Variants in KCNG2 observed in about 807,000 individuals in gnomAD.
The protein encoded by KCNG2 is potassium voltage-gated channel modifier subfamily G member 2, also known as voltage-gated potassium channel regulatory subunit KCNG2.
In KCNG2, 7 loss-of-function variants were observed where a neutral mutation model predicts 12.3. The observed-to-expected ratio is 0.57, with a 90% confidence interval of 0.32 to 1.07. The LOEUF (loss-of-function observed/expected upper bound fraction) is 1.07, where lower values mean the gene tolerates loss of function less well. Ranked by LOEUF, KCNG2 falls within the 50% of genes least tolerant of loss-of-function variation. The probability of loss-of-function intolerance (pLI) is 0.04; values close to 1 mark genes in which losing one functional copy is unlikely to be tolerated. For missense variants in KCNG2, 703 were observed against 726.0 expected (o/e 0.97, Z 0.36); for synonymous variants, 414 against 351.4 (o/e 1.18, Z -1.99).
intron 1 of KCNG2, among the ~76,000 whole-genome samples, chr18:79,827,061 G>T (rs1257805787): frequency 1.3e-5 from 2 of 152,264 alleles, no homozygotes; most frequent in Non-Finnish European, 2.9e-5. Flanking sequence ...CGTCCCCGGC[G>T]ATGCAGGGGC....
At chr18:79,855,015 C>A (rs1029847685) in intron 1 of KCNG2, among the ~76,000 whole-genome samples, 3 of 152,158 alleles carry the variant, frequency 2.0e-5, no homozygotes, top group Non-Finnish European at 4.4e-5. Flanking sequence ...TATTTAGATT[C>A]TCTGGGGGTT....
chr18:79,894,308 T>C (rs1345302539), intron 3 of KCNG2, among the ~76,000 whole-genome samples: 2 of 136,520 alleles, frequency 1.5e-5, no homozygotes, highest in African/African-American at 2.7e-5. Flanking sequence ...AATGTTACGA[T>C]TGATATAATT....
At chr18:79,851,568 G>A (rs1371198219) in intron 1 of KCNG2, among the ~76,000 whole-genome samples, 1 of 152,182 alleles carries the variant, frequency 6.6e-6, no homozygotes, top group Non-Finnish European at 1.5e-5. Context: ...GAAGTGACCT[G>A]ATAGCCTTTT....
intron 1 of KCNG2, among the ~76,000 whole-genome samples, chr18:79,807,742 T>G (rs537064097): frequency 5.3e-5 from 8 of 151,378 alleles, no homozygotes; most frequent in South Asian, 2.1e-4. Context: ...GGGCACTCCA[T>G]GTTATATGCC....
intron 3 of KCNG2, among the ~76,000 whole-genome samples, chr18:79,896,365 C>G (rs965510325): frequency 5.3e-5 from 8 of 151,956 alleles, no homozygotes; most frequent in African/African-American, 1.9e-4. Flanking sequence ...CAGGTTTGTG[C>G]GTAATTCCAG....
At chr18:79,836,767 A>G (rs778566842) in intron 1 of KCNG2, among the ~76,000 whole-genome samples, 22 of 152,156 alleles carry the variant, frequency 1.4e-4, no homozygotes, top group Admixed American at 2.0e-4. Flanking sequence ...CTCACTCACT[A>G]TCATGAGAAC....
At chr18:79,855,966 T>C (rs1177997234) in intron 1 of KCNG2, among the ~76,000 whole-genome samples, 1 of 152,228 alleles carries the variant, frequency 6.6e-6, no homozygotes, top group East Asian at 1.9e-4. Context: ...TATTGAGCTG[T>C]GCGTTGTCTT....
intron 3 of KCNG2, among the ~76,000 whole-genome samples, chr18:79,881,872 G>A (rs1270662526): frequency 6.6e-6 from 1 of 152,212 alleles, no homozygotes; most frequent in African/African-American, 2.4e-5. Context: ...GGACAGGCGT[G>A]GGGTCGTGGA....
Position 79,899,152 on chromosome 18 carries a change from TCCTGCG to T in KCNG2, c.739_744del (p.Leu247_Arg248del). On this transcript the variant is annotated inframe_deletion, in exon 4 of 4. Coordinates refer to ENST00000316249, the MANE Select transcript of KCNG2 (RefSeq NM_012283.2). ...CTGCAGGCCGAGAGCAAGTGCGCCT[TCCTGCG>T]CGCGCCACTCAACATCATTGACATC... is the stretch of plus-strand genomic sequence containing the variant. 1 of 1,607,274 alleles carries T rather than the reference TCCTGCG, an allele frequency of 6.2e-7. No homozygotes were observed. The highest frequency in any genetic ancestry group is 8.5e-7 in the Non-Finnish European group (1 of 1,179,632).
intron 1 of KCNG2, among the ~76,000 whole-genome samples, chr18:79,826,036 T>C (rs1417877472): frequency 2.0e-5 from 3 of 152,184 alleles, no homozygotes; most frequent in Non-Finnish European, 2.9e-5. Flanking sequence ...AGGCTGCAGC[T>C]TAAGAGGAAG....
rs934636093 is a variant in KCNG2, at chr18:79,899,476, C to T, written c.1061C>T (p.Ser354Phe). ...ERELGARRDF[S>F]SVPASYWWAV... The stretch of plus-strand genomic sequence containing the variant: ...GAGCTGGGCGCGCGCCGCGACTTCT[C>T]CAGCGTGCCCGCCAGCTATTGGTGG... The change falls in exon 4 of 4, where the codon TCC (serine) becomes TTC (phenylalanine). Residue 354 changes from serine (S) to phenylalanine (F), a missense_variant. By Grantham distance (155) the Ser-to-Phe change is radical. Transcript: ENST00000316249. 1.2e-6 allele frequency: 2 copies of T among 1,607,254 alleles called. No individual in the cohort carries two copies. The highest frequency in any genetic ancestry group is 1.7e-5 in the Admixed American group (1 of 59,572).
intron 2 of KCNG2, among the ~76,000 whole-genome samples, chr18:79,862,946 T>C (rs1979276283): frequency 6.6e-6 from 1 of 152,224 alleles, no homozygotes; most frequent in African/African-American, 2.4e-5. Flanking sequence ...CCCGCAGAGC[T>C]GGGGAGCGAC....
chr18:79,880,990 A>G (rs1568268962), intron 3 of KCNG2, among the ~76,000 whole-genome samples: 1 of 152,364 alleles, frequency 6.6e-6, no homozygotes, highest in South Asian at 2.1e-4. Context: ...AAAAAACCCT[A>G]CAGCTAACAA....
At chr18:79,802,305 C>T (rs183796844) in intron 1 of KCNG2, among the ~76,000 whole-genome samples, 4 of 152,154 alleles carry the variant, frequency 2.6e-5, no homozygotes, top group East Asian at 1.9e-4. Context: ...CATGGAGGGG[C>T]GTCTGGGGAC....
At chr18:79,815,664 C>T (rs996688025) in intron 1 of KCNG2, among the ~76,000 whole-genome samples, 1 of 152,214 alleles carries the variant, frequency 6.6e-6, no homozygotes, top group Non-Finnish European at 1.5e-5. Context: ...CCACCTTGCT[C>T]CCTTGCTAAA....
At chr18:79,892,046 C>T (rs1980760280) in intron 3 of KCNG2, among the ~76,000 whole-genome samples, 1 of 149,070 alleles carries the variant, frequency 6.7e-6, no homozygotes, top group Non-Finnish European at 1.5e-5. Flanking sequence ...ACCTGGGAGG[C>T]AGAGGTTGCA....
chr18:79,858,703 A>G (rs1247835175), intron 2 of KCNG2, among the ~76,000 whole-genome samples: 6 of 150,552 alleles, frequency 4.0e-5, no homozygotes, highest in Non-Finnish European at 8.9e-5. Context: ...CAGGGGTCCA[A>G]TTTTTCCACA....
intron 1 of KCNG2, among the ~76,000 whole-genome samples, chr18:79,828,070 C>T (rs1045080362): frequency 7.9e-5 from 12 of 151,910 alleles, no homozygotes; most frequent in African/African-American, 2.4e-4. Context: ...ATTACAGGCA[C>T]GCACCAACAC....
intron 1 of KCNG2, among the ~76,000 whole-genome samples, chr18:79,818,090 A>C (rs1247294629): frequency 2.0e-5 from 3 of 152,220 alleles, no homozygotes; most frequent in African/African-American, 7.2e-5. Context: ...ACAGACCCTG[A>C]GGCAGCACCT....
Sources: gnomAD v4.1 joint callset for allele counts (sites outside exome capture counted in the v4.1 genomes callset) on GRCh38, gnomAD v4.1.1 for gene constraint, MANE v1.5 for transcripts, NCBI Gene and HGNC (gene_info 2026-07-23, HGNC 2026-07-21) for gene names.